RTRAF: variants seen among roughly 807,000 people sequenced by gnomAD.
RTRAF encodes the protein RNA transcription, translation and transport factor.
A neutral mutation model predicts 34.4 loss-of-function variants in RTRAF; 14 were observed. The ratio of observed to expected loss-of-function variants is 0.41; its 90% confidence interval spans 0.27 to 0.64. RTRAF has a LOEUF of 0.64. RTRAF is among the 30% of genes least tolerant of loss of function. The pLI, the probability that RTRAF is intolerant of heterozygous loss-of-function variation, is 0.34. For missense variants in RTRAF, 291 were observed against 288.4 expected, an observed-to-expected ratio of 1.01 and a Z score of -0.06; for synonymous variants, 96 against 95.3, an observed-to-expected ratio of 1.01 and a Z score of -0.04.
rs1256145221 is a variant in RTRAF, at chr14:52,005,407, T to G, written c.*891T>G. 3 of 1,383,076 alleles carry G rather than the reference T, an allele frequency of 2.2e-6. No individual in the cohort carries two copies. The Admixed American group carries it at 7.3e-5, about 34-fold the overall frequency. 85.7% of individuals were successfully genotyped at this position (1,383,076 alleles called of 1,614,324 possible). A position where few individuals can be genotyped will look rare whatever the true frequency, so the allele number is the denominator to read the frequency against. On this transcript the variant is annotated 3_prime_UTR_variant, in exon 8 of 8. Transcript: ENST00000261700. ...TCTAATGGCCAATTCCTTTTTTACT[T>G]TCTTTGCCTTTGCAGTCACTGTTCT...
chr14:52,009,925 TGTA>T lies in RTRAF; in HGVS notation c.*5412_*5414del, dbSNP rs779261449. The stretch of plus-strand genomic sequence containing the variant: ...TTGCTTGAACCCGGGAGATGGAGGT[TGTA>T]GTCAGCCGAGACTGTGCCACTGCAC... On this transcript the variant is annotated 3_prime_UTR_variant, in exon 8 of 8. Coordinates refer to ENST00000261700, the MANE Select transcript of RTRAF (RefSeq NM_016039.3). The T allele has an allele frequency of 6.6e-6, 1 of 151,156 alleles. No homozygotes were observed. The highest frequency in any genetic ancestry group is 1.5e-5 in the Non-Finnish European group (1 of 68,024). 9.4% of individuals were successfully genotyped at this position (151,156 alleles called of 1,614,324 possible). A position where few individuals can be genotyped will look rare whatever the true frequency, so the allele number is the denominator to read the frequency against.
intron 5 of RTRAF, among the ~76,000 whole-genome samples, chr14:52,000,948 CCTG>C (rs1306675468): frequency 1.4e-4 from 22 of 152,250 alleles, no homozygotes; most frequent in African/African-American, 5.1e-4. Context: ...AAATTCTAGT[CCTG>C]CTGCACATTT....
Position 51,993,029 on chromosome 14 carries a change from C to T in RTRAF, c.187-694C>T, listed in dbSNP as rs549262413. The stretch of plus-strand genomic sequence containing the variant: ...TGGGCAACAGAACAAGACTCTGTCT[C>T]AAAAAAAAGAAATATGTATGTATGT... On this transcript the variant is annotated intron_variant, in intron 2 of 7. Transcript: ENST00000261700. 3.5e-3 allele frequency among the ~76,000 whole-genome samples: 527 copies of T among 151,248 alleles called. 1 individual carries two copies. Among genetic ancestry groups the T allele is most frequent in the Non-Finnish European group, 6.1e-3 (416 of 67,768 alleles).
rs563050467 is a variant in RTRAF at position 52,005,283 on chromosome 14, A to G, written c.*767A>G. ...TTACCTTTTTAAACTTGCAATAACAACCTTCATTTTTAAAAATACAGTAGT... is the reference window on the plus strand; with the variant it reads ...TTACCTTTTTAAACTTGCAATAACAGCCTTCATTTTTAAAAATACAGTAGT... On this transcript the variant is annotated 3_prime_UTR_variant, in exon 8 of 8. Transcript: ENST00000261700. 4.8e-6 allele frequency: 2 copies of G among 415,416 alleles called. No individual in the cohort carries two copies. The highest frequency in any genetic ancestry group is 1.2e-4 in the South Asian group (1 of 8,228). The allele number at this position is 415,416 out of a possible 1,614,324, so 25.7% of individuals were successfully genotyped here. A position where few individuals can be genotyped will look rare whatever the true frequency, so the allele number is the denominator to read the frequency against.
rs1048194249 is a variant in RTRAF, at chr14:52,009,645, CAA to C, written c.*5131_*5132del. 15 of 152,100 alleles carry C rather than the reference CAA, an allele frequency of 9.9e-5. No homozygotes were observed. The highest frequency in any genetic ancestry group is 3.6e-4 in the African/African-American group (15 of 41,380). 9.4% of individuals were successfully genotyped at this position (152,100 alleles called of 1,614,324 possible). On this transcript the variant is annotated 3_prime_UTR_variant, in exon 8 of 8. Transcript: ENST00000261700. The stretch of plus-strand genomic sequence containing the variant: ...TTTCCCCAGACTCCAGAGACATGGC[CAA>C]AGTTTCATTGCCTACAAGATGGCAG...
chr14:51,990,351 C>T (rs2140325667), intron 1 of RTRAF, among the ~76,000 whole-genome samples: 1 of 152,296 alleles, frequency 6.6e-6, no homozygotes, highest in East Asian at 1.9e-4. Flanking sequence ...AAAGTAATAA[C>T]GTTGCTACTC....
chr14:52,010,227 T>C lies in RTRAF; in HGVS notation c.*5711T>C, dbSNP rs1035509435. The stretch of plus-strand genomic sequence containing the variant: ...GAAAATTAAAGCTGAAGGTTTTCTT[T>C]ACTGATTTGAAGGGCATCTGGGAAT... On this transcript the variant is annotated 3_prime_UTR_variant, in exon 8 of 8. Coordinates refer to ENST00000261700, the MANE Select transcript of RTRAF (RefSeq NM_016039.3). 1 of 152,242 alleles carries C rather than the reference T, an allele frequency of 6.6e-6. No homozygotes were observed. Among genetic ancestry groups the C allele is most frequent in the Non-Finnish European group, 1.5e-5 (1 of 68,046 alleles). 9.4% of individuals were successfully genotyped at this position (152,242 alleles called of 1,614,324 possible).
intron 6 of RTRAF, among the ~76,000 whole-genome samples, chr14:52,002,097 C>T (rs1890610334): frequency 6.6e-6 from 1 of 152,118 alleles, no homozygotes; most frequent in Non-Finnish European, 1.5e-5. Flanking sequence ...TTAAAAAAGC[C>T]ACAAATAGCT....
rs1176798641 is a variant in RTRAF at position 52,004,637 on chromosome 14, C to CTAGAGA, written c.*123_*128dup. On this transcript the variant is annotated 3_prime_UTR_variant, in exon 8 of 8. Transcript: ENST00000261700. ...GGAAGCCCAGAAAATTGGGTATGTT[C>CTAGAGA]TAGAGATTTACCACCATTGCTTATT... is the stretch of plus-strand genomic sequence containing the variant. The CTAGAGA allele has an allele frequency of 2.2e-5, 21 of 943,708 alleles. No homozygotes were observed. In the African/African-American group the frequency reaches 3.2e-4, roughly 14 times the overall value. The allele number at this position is 943,708 out of a possible 1,614,324, so 58.5% of individuals were successfully genotyped here.
chr14:52,003,083 T>TGTAAA (rs1165602574), intron 6 of RTRAF, among the ~76,000 whole-genome samples: 2 of 152,236 alleles, frequency 1.3e-5, no homozygotes, highest in Admixed American at 1.3e-4. Flanking sequence ...TGCTCTTGTT[T>TGTAAA]GTAAAGTAAA....
chr14:51,996,622 A>AC (rs1048293750), intron 3 of RTRAF, among the ~76,000 whole-genome samples: 4 of 152,018 alleles, frequency 2.6e-5, no homozygotes, highest in African/African-American at 9.7e-5. Context: ...AGAGGCACAC[A>AC]CCATTTTTTT....
rs1890698431 is a variant in RTRAF at position 52,004,938 on chromosome 14, A to ATTGAATCAT, written c.*425_*433dup. 6.3e-6 allele frequency: 1 copy of ATTGAATCAT among 158,544 alleles called. No individual in the cohort carries two copies. Among genetic ancestry groups the ATTGAATCAT allele is most frequent in the Admixed American group, 6.4e-5 (1 of 15,540 alleles). The allele number at this position is 158,544 out of a possible 1,614,324, so 9.8% of individuals were successfully genotyped here. On this transcript the variant is annotated 3_prime_UTR_variant, in exon 8 of 8. Transcript: ENST00000261700. ...GGCACTACAGGATCAGAAAATGCAA[A>ATTGAATCAT]TTGAATCATTTTAGCACCTTTTGAT...
intron 6 of RTRAF, among the ~76,000 whole-genome samples, chr14:52,003,266 G>GA (rs922431735): frequency 5.3e-5 from 8 of 151,602 alleles, no homozygotes; most frequent in East Asian, 3.9e-4. Context: ...GTTGGCAAAG[G>GA]AAAAAAAAGT....
chr14:52,010,686 A>G lies in RTRAF; in HGVS notation c.*6170A>G. The G allele has an allele frequency of 1.8e-6, 1 of 555,396 alleles. No homozygotes were observed. The allele number at this position is 555,396 out of a possible 1,614,324, so 34.4% of individuals were successfully genotyped here. A position where few individuals can be genotyped will look rare whatever the true frequency, so the allele number is the denominator to read the frequency against. On this transcript the variant is annotated 3_prime_UTR_variant, in exon 8 of 8. Transcript: ENST00000261700. ...TTCCTCCTAATAAAATATAAGTGCC[A>G]TGAAAGAACAGACCTTGTCTTTTCC...
rs1193048986 is a variant in RTRAF at position 52,004,885 on chromosome 14, C to CTT, written c.*371_*372dup. On this transcript the variant is annotated 3_prime_UTR_variant, in exon 8 of 8. Coordinates refer to ENST00000261700, the MANE Select transcript of RTRAF (RefSeq NM_016039.3). ...ATCTTTGGTATTTATAAATGTGATACTTTACTTTCTGTGGGTACTTCTATA... is the reference window on the plus strand; with the variant it reads ...ATCTTTGGTATTTATAAATGTGATACTTTTTACTTTCTGTGGGTACTTCTATA... 1.8e-5 allele frequency: 3 copies of CTT among 165,440 alleles called. No individual in the cohort carries two copies. The highest frequency in any genetic ancestry group is 2.6e-5 in the Non-Finnish European group (2 of 77,292). The allele number at this position is 165,440 out of a possible 1,614,324, so 10.2% of individuals were successfully genotyped here.
chr14:51,995,168 A>G (rs1470881909), intron 3 of RTRAF, among the ~76,000 whole-genome samples: 1 of 152,002 alleles, frequency 6.6e-6, no homozygotes, highest in Non-Finnish European at 1.5e-5. Context: ...TGCTGTAACA[A>G]ATTACTACAA....
Position 51,993,720 on chromosome 14 carries a change from C to A in RTRAF, c.187-3C>A. 6.4e-7 allele frequency: 1 copy of A among 1,555,758 alleles called. No homozygotes were observed. ...GGTGGTTTTCTTTTCTTCCCCCTCA[C>A]AGTATCTCAGAGATGTTAACTGTCC... On this transcript the variant is annotated splice_region_variant and splice_polypyrimidine_tract_variant and intron_variant, in intron 2 of 7. Transcript: ENST00000261700.
chr14:51,998,822 G>A (rs1210525488), intron 4 of RTRAF, among the ~76,000 whole-genome samples: 1 of 151,776 alleles, frequency 6.6e-6, no homozygotes, highest in East Asian at 1.9e-4. Context: ...GTTTTGATTT[G>A]TATTTAATCA....
rs1330806367 is a variant in RTRAF, at chr14:52,005,611, A to G, written c.*1095A>G. 2 of 1,443,838 alleles carry G rather than the reference A, an allele frequency of 1.4e-6. No individual in the cohort carries two copies. The highest frequency in any genetic ancestry group is 1.9e-6 in the Non-Finnish European group (2 of 1,032,794). 89.4% of individuals were successfully genotyped at this position (1,443,838 alleles called of 1,614,324 possible). On this transcript the variant is annotated 3_prime_UTR_variant, in exon 8 of 8. Transcript: ENST00000261700. ...ACTAGGTAGATTTAAGGTAGTAAAG[A>G]CTGGCCCTCAGGGCAGGAAGAAGGC... is the stretch of plus-strand genomic sequence containing the variant.
Sources: gnomAD v4.1 joint callset for allele counts (sites outside exome capture counted in the v4.1 genomes callset) on GRCh38, gnomAD v4.1.1 for gene constraint, MANE v1.5 for transcripts, NCBI Gene and HGNC (gene_info 2026-07-23, HGNC 2026-07-21) for gene names.